PHF12: variants seen among roughly 807,000 people sequenced by gnomAD.
PHF12 encodes the protein PHD finger protein 12, also known as PHD factor 1.
In PHF12, 6 loss-of-function variants were observed where a neutral mutation model predicts 99.8. The observed-to-expected ratio is 0.06, with a 90% CI of 0.03 to 0.12. The LOEUF is 0.12. PHF12 is among the 10% of genes least tolerant of loss of function. PHF12 has a pLI of 1.00. For synonymous variants in PHF12, 480 were observed against 514.9 expected, an observed-to-expected ratio of 0.93 and a Z score of 0.92; for missense variants, 954 against 1,300.1, an observed-to-expected ratio of 0.73 and a Z score of 4.09.
At position 28,951,368 on chromosome 17, in the gene PHF12, G is replaced by A. The variant is rs2040810799; in HGVS notation, c.-408C>T. On this transcript the variant is annotated 5_prime_UTR_variant, in exon 1 of 15. Transcript: ENST00000332830. ...GTTACGTGAGGTTGTGGTACGTGAGGTGACTGGGGGGAGGGTGATGGGGGG... is the reference window on the plus strand; with the variant it reads ...GTTACGTGAGGTTGTGGTACGTGAGATGACTGGGGGGAGGGTGATGGGGGG... 1 of 985,426 alleles carries A rather than the reference G, an allele frequency of 1.0e-6. No individual in the cohort carries two copies. The highest frequency in any genetic ancestry group is 1.1e-4 in the East Asian group (1 of 9,188). The allele number at this position is 985,426 out of a possible 1,614,324, so 61.0% of individuals were successfully genotyped here.
chr17:28,922,726 A>T (rs1403408615), intron 4 of PHF12, among the ~76,000 whole-genome samples: 1 of 152,188 alleles, frequency 6.6e-6, no homozygotes, highest in Non-Finnish European at 1.5e-5. Flanking sequence ...ATTAATAGAA[A>T]ATGGCACTGG....
At chr17:28,907,173 C>T (rs955527548) in intron 13 of PHF12, 179 bp from the exon 14 acceptor site, 1 of 657,542 alleles carries the variant, frequency 1.5e-6, no homozygotes, top group South Asian at 2.3e-5. Context: ...GGGAAGCTTT[C>T]CTTCTGGTGT....
intron 2 of PHF12, among the ~76,000 whole-genome samples, chr17:28,941,173 G>A (rs919553384): frequency 6.6e-6 from 1 of 151,864 alleles, no homozygotes; most frequent in Non-Finnish European, 1.5e-5. Flanking sequence ...TTATCAGGGT[G>A]GCCTACTTAA....
rs769675590 is a variant in PHF12, at chr17:28,912,648, C to G, written c.1923G>C (p.Leu641Phe). 3 of 1,614,204 alleles carry G rather than the reference C, an allele frequency of 1.9e-6. No homozygotes were observed. In the East Asian group the frequency reaches 6.7e-5, roughly 36 times the overall value. ...SCASIENTST[L>F]QRKTVQSQIG... ...TCTGTGATTGGACAGTCTTTCTTTGCAAAGTGCTGGTGTTCTCGATGCTGG... is the reference window on the plus strand; with the variant it reads ...TCTGTGATTGGACAGTCTTTCTTTGGAAAGTGCTGGTGTTCTCGATGCTGG... Residue 641 changes from leucine (L) to phenylalanine (F), a missense_variant, in exon 9 of 15, where the codon TTG becomes TTC. Physicochemically the swap from Leu to Phe is conservative, Grantham distance 22. Coordinates refer to ENST00000332830, the MANE Select transcript of PHF12 (RefSeq NM_001033561.2).
chr17:28,914,321 C>T (rs1304432201), intron 7 of PHF12, among the ~76,000 whole-genome samples: 1 of 152,094 alleles, frequency 6.6e-6, no homozygotes, highest in African/African-American at 2.4e-5. Flanking sequence ...CAGAGTGGTA[C>T]TCTGGGTTCT....
At chr17:28,910,922 C>G (rs992713829) in intron 10 of PHF12, 190 bp downstream of exon 10, 1 of 707,198 alleles carries the variant, frequency 1.4e-6, no homozygotes, top group African/African-American at 1.8e-5. Flanking sequence ...ATGTAGAAGG[C>G]AGAGCTACAG....
Position 28,950,833 on chromosome 17 carries a change from G to A in PHF12, c.66+62C>T, listed in dbSNP as rs2040797234. On this transcript the variant is annotated intron_variant, in intron 1 of 14. Coordinates refer to ENST00000332830, the MANE Select transcript of PHF12 (RefSeq NM_001033561.2). The surrounding 1 kb of genome is among the most constrained non-coding windows in gnomAD (Gnocchi z 5.7). ...CTTCGAGTTTAGGACTGGCTTTGTG[G>A]GGCGGAGGGCGGAGGTTCCCTCCCG... The A allele has an allele frequency of 2.5e-6, 4 of 1,601,280 alleles. No individual in the cohort carries two copies. The highest frequency in any genetic ancestry group is 2.2e-5 in the South Asian group (2 of 90,042).
chr17:28,927,232 G>T (rs760210743), intron 2 of PHF12, among the ~76,000 whole-genome samples, 169 bp from the exon 3 acceptor site: 3 of 152,116 alleles, frequency 2.0e-5, no homozygotes, highest in Admixed American at 6.6e-5. Context: ...ATAACCTAAG[G>T]AGTGACCATC....
intron 2 of PHF12, among the ~76,000 whole-genome samples, chr17:28,943,834 T>C (rs1478348265): frequency 3.3e-5 from 5 of 152,248 alleles, no homozygotes; most frequent in Non-Finnish European, 7.3e-5. Context: ...TGATAAATGC[T>C]ACAACCAGGA....
intron 2 of PHF12, among the ~76,000 whole-genome samples, chr17:28,942,583 C>T (rs941149857): frequency 6.6e-6 from 1 of 151,876 alleles, no homozygotes; most frequent in Non-Finnish European, 1.5e-5. Context: ...TTTGCGAGGC[C>T]GAGGCGGGCA....
intron 2 of PHF12, among the ~76,000 whole-genome samples, chr17:28,947,901 AT>A (rs1555609180): frequency 6.6e-6 from 1 of 151,876 alleles, no homozygotes; most frequent in African/African-American, 2.4e-5. Context: ...AAAAAAAAAA[AT>A]TTCAATGAAA....
intron 2 of PHF12, among the ~76,000 whole-genome samples, chr17:28,933,126 C>T (rs2040445166): frequency 6.6e-6 from 1 of 152,140 alleles, no homozygotes; most frequent in Non-Finnish European, 1.5e-5. Flanking sequence ...GTCCTGGAGG[C>T]CGTCCTTTAT....
Position 28,910,961 on chromosome 17 carries a change from C to G in PHF12, c.2215+151G>C, listed in dbSNP as rs74545433. The G allele has an allele frequency of 1.4e-5, 16 of 1,105,140 alleles. No individual in the cohort carries two copies. The East Asian group carries it at 2.6e-4, about 18-fold the overall frequency. The allele number at this position is 1,105,140 out of a possible 1,614,324, so 68.5% of individuals were successfully genotyped here. Reference sequence around the variant, plus strand: ...GAGCTTTCTTTTTCACCCCGCCCCCCCATCCAAAAGGATACTCCTCATTCC... The same window carrying G: ...GAGCTTTCTTTTTCACCCCGCCCCCGCATCCAAAAGGATACTCCTCATTCC... On this transcript the variant is annotated intron_variant, in intron 10 of 14. Transcript: ENST00000332830.
In PHF12 at chr17:28,951,017, G is replaced by C; in HGVS notation, c.-57C>G. Reference sequence around the variant, plus strand: ...TCCGGCCCCCCCAACCCCGGGGGGAGGGGGGAGGTGAGGGGAGGGGGCGCT... The same window carrying C: ...TCCGGCCCCCCCAACCCCGGGGGGACGGGGGAGGTGAGGGGAGGGGGCGCT... On this transcript the variant is annotated 5_prime_UTR_variant, in exon 1 of 15. Coordinates refer to ENST00000332830, the MANE Select transcript of PHF12 (RefSeq NM_001033561.2). 1 of 1,607,400 alleles carries C rather than the reference G, an allele frequency of 6.2e-7. No individual in the cohort carries two copies. The highest frequency in any genetic ancestry group is 1.1e-5 in the South Asian group (1 of 90,434).
At chr17:28,912,158 T>A in intron 9 of PHF12, 1 of 1,148,896 alleles carries the variant, frequency 8.7e-7, no homozygotes, top group Non-Finnish European at 1.1e-6. Context: ...TCTTTTAAGG[T>A]GACAGAACAA....
intron 6 of PHF12, 86 bp from the exon 7 acceptor site, chr17:28,917,535 T>C (rs1392746287): frequency 1.4e-6 from 2 of 1,441,888 alleles, no homozygotes; most frequent in South Asian, 2.8e-5. Flanking sequence ...GTTTAAAAAC[T>C]AGAAGCCCTC....
chr17:28,910,118 A>C, intron 11 of PHF12, 108 bp downstream of exon 11: 1 of 1,496,154 alleles, frequency 6.7e-7, no homozygotes, highest in East Asian at 2.3e-5. Flanking sequence ...AAAGCACACA[A>C]GGAGGTTTGA....
chr17:28,907,626 G>A lies in PHF12; in HGVS notation c.2505C>T (p.Tyr835=), dbSNP rs1353818303. The change falls in exon 13 of 15, where the codon TAC becomes TAT. Residue 835 remains tyrosine, a synonymous_variant. Transcript: ENST00000332830. The part of the protein sequence containing the change: ...VCLTNYGHCN[Y]VSGKHACIFY... ...ATATGCAGGCATGTTTCCCGGACACGTAGTTACAGTGACCATAGTTTGTAA... is the reference window on the plus strand; with the variant it reads ...ATATGCAGGCATGTTTCCCGGACACATAGTTACAGTGACCATAGTTTGTAA... 2 of 1,613,958 alleles carry A rather than the reference G, an allele frequency of 1.2e-6. No homozygotes were observed. The highest frequency in any genetic ancestry group is 8.5e-7 in the Non-Finnish European group (1 of 1,179,902).
At chr17:28,941,639 T>C (rs2040617938) in intron 2 of PHF12, among the ~76,000 whole-genome samples, 1 of 152,140 alleles carries the variant, frequency 6.6e-6, no homozygotes, top group African/African-American at 2.4e-5. Flanking sequence ...AGATGGAGTT[T>C]CACTCTTGGT....
Sources: allele counts gnomAD v4.1 joint callset (sites outside exome capture counted in the v4.1 genomes callset), GRCh38; gene constraint gnomAD v4.1.1; non-coding constraint Gnocchi (gnomAD v3.1); transcripts MANE v1.5; gene names NCBI Gene and HGNC (gene_info 2026-07-23, HGNC 2026-07-21).